Variants in CDC45 observed in about 807,000 individuals in gnomAD.
CDC45 encodes cell division cycle 45.
CDC45 carries 54 observed loss-of-function variants against 77.8 expected under a neutral mutation model. The ratio of observed to expected loss-of-function variants is 0.69; its 90% CI spans 0.56 to 0.87. The LOEUF (loss-of-function observed/expected upper bound fraction) is 0.87, where lower values mean the gene tolerates loss of function less well. CDC45 is among the 40% of genes least tolerant of loss of function. CDC45 has a pLI of 0.00. For synonymous variants in CDC45, 260 were observed against 272.1 expected (o/e 0.96, Z 0.44); for missense variants, 649 against 721.6 (o/e 0.90, Z 1.15).
At position 19,518,953 on chromosome 22, in the gene CDC45, C is replaced by T. The variant is rs13447289; in HGVS notation, c.*1+44C>T. On this transcript the variant is annotated intron_variant, in intron 18 of 18. Coordinates refer to ENST00000263201, the MANE Select transcript of CDC45 (RefSeq NM_003504.5). ...GCAGGGGTGGCTGCAGCAGCCCCCT[C>T]AGAGCCCGACCCTGATGCCCTGCTC... The T allele has an allele frequency of 0.12, 179,746 of 1,443,970 alleles. 11,815 individuals are homozygous for T. The highest frequency in any genetic ancestry group is 0.28 in the East Asian group (12,226 of 44,170). 89.4% of individuals were successfully genotyped at this position (1,443,970 alleles called of 1,614,324 possible).
chr22:19,507,512 C>A lies in CDC45; in HGVS notation c.951C>A (p.Asp317Glu). The change falls in exon 11 of 19, where the codon GAC becomes GAA. Residue 317 changes from aspartate to glutamate, a missense_variant. Asp to Glu is a conservative substitution (Grantham distance 45, BLOSUM62 2). Coordinates refer to ENST00000263201, the MANE Select transcript of CDC45 (RefSeq NM_003504.5). ...GQKRLQEFLA[D>E]MGLPLKQVKQ... ...AGCGGCTCCAGGAGTTCCTTGCAGACATGGGGTGAGTGACTGCCTGGGCCT... is the reference window on the plus strand; with the variant it reads ...AGCGGCTCCAGGAGTTCCTTGCAGAAATGGGGTGAGTGACTGCCTGGGCCT... 6 of 1,614,136 alleles carry A rather than the reference C, an allele frequency of 3.7e-6. No individual in the cohort carries two copies. Among genetic ancestry groups the A allele is most frequent in the Non-Finnish European group, 8.5e-7 (1 of 1,180,040 alleles).
intron 18 of CDC45, among the ~76,000 whole-genome samples, chr22:19,519,428 A>G (rs1398620085): frequency 6.6e-6 from 1 of 152,228 alleles, no homozygotes; most frequent in Non-Finnish European, 1.5e-5. Flanking sequence ...TGAGGGCCCC[A>G]TTGGGATTCA....
At chr22:19,489,642 A>G (rs1017154781) in intron 5 of CDC45, among the ~76,000 whole-genome samples, 9 of 152,224 alleles carry the variant, frequency 5.9e-5, no homozygotes, top group African/African-American at 2.2e-4. Context: ...TTAGATTTAT[A>G]CCTGCATAAA....
At chr22:19,496,080 G>T (rs765956682) in intron 7 of CDC45, 51 bp downstream of exon 7, 2 of 1,242,830 alleles carry the variant, frequency 1.6e-6, no homozygotes, top group Non-Finnish European at 2.4e-6. Context: ...CCAGGGGTCA[G>T]TGTCCTCAAA....
At chr22:19,480,045 C>T in intron 1 of CDC45, 26 bp downstream of exon 1, 1 of 1,613,814 alleles carries the variant, frequency 6.2e-7, no homozygotes, top group Non-Finnish European at 8.5e-7. Flanking sequence ...GGACCCCCGC[C>T]GAGGCCTTGC....
At chr22:19,505,615 A>G in intron 10 of CDC45, 134 bp downstream of exon 10, 2 of 976,920 alleles carry the variant, frequency 2.0e-6, no homozygotes, top group Non-Finnish European at 3.1e-6. Context: ...TTTTGGGGGA[A>G]GGGGCTGTGG....
rs1004032100 is a variant in CDC45 at position 19,520,037 on chromosome 22, G to C, written c.*2-444G>C. Among the ~76,000 whole-genome samples the C allele has an allele frequency of 6.6e-6, 1 of 152,188 alleles. No individual in the cohort carries two copies. Among genetic ancestry groups the C allele is most frequent in the Non-Finnish European group, 1.5e-5 (1 of 68,034 alleles). ...CATAGGGTGGGGCGGAGGCAGAGGT[G>C]GGGCTCTCTGGCAGTGGAGTGGGTG... On this transcript the variant is annotated intron_variant, in intron 18 of 18. Coordinates refer to ENST00000263201, the MANE Select transcript of CDC45 (RefSeq NM_003504.5). This position sits in a 1 kb window ranked among gnomAD's most constrained non-coding sequence, Gnocchi z 4.5.
At chr22:19,499,856 T>C (rs2146385945) in intron 9 of CDC45, among the ~76,000 whole-genome samples, 1 of 152,308 alleles carries the variant, frequency 6.6e-6, no homozygotes, top group East Asian at 1.9e-4. Context: ...CCCATGTAGA[T>C]GTCCCCAGGC....
chr22:19,508,593 C>CAGCGA lies in CDC45; in HGVS notation c.1120_1124dup (p.Asp375GlufsTer11). 4 of 1,614,200 alleles carry CAGCGA rather than the reference C, an allele frequency of 2.5e-6. No homozygotes were observed. The highest frequency in any genetic ancestry group is 3.4e-6 in the Non-Finnish European group (4 of 1,180,040). ...TTGGGTTCAAGCACAAGTTTCTGGC[C>CAGCGA]AGCGACGTGGTCTTTGCCACCATGT... is the stretch of plus-strand genomic sequence containing the variant. On this transcript the variant is annotated frameshift_variant, in exon 13 of 19. Transcript: ENST00000263201. LOFTEE classifies it high-confidence loss of function.
At chr22:19,482,972 T>A in intron 4 of CDC45, 145 bp downstream of exon 4, 3 of 422,956 alleles carry the variant, frequency 7.1e-6, no homozygotes, top group Non-Finnish European at 1.2e-5. Flanking sequence ...TTTGTCATCT[T>A]TTTTTTTTTT....
At chr22:19,486,745 C>T (rs1012759160) in intron 5 of CDC45, among the ~76,000 whole-genome samples, 13 of 152,084 alleles carry the variant, frequency 8.5e-5, no homozygotes, top group Admixed American at 7.2e-4. Context: ...TGCAGTGGTA[C>T]GATCTCGGCT....
At chr22:19,484,520 C>T (rs1201685176) in intron 5 of CDC45, among the ~76,000 whole-genome samples, 1 of 152,184 alleles carries the variant, frequency 6.6e-6, no homozygotes, top group Non-Finnish European at 1.5e-5. Context: ...CAGTGGCCTA[C>T]CCAACACTAC....
At chr22:19,496,516 T>A (rs1226668683) in intron 7 of CDC45, among the ~76,000 whole-genome samples, 2 of 152,210 alleles carry the variant, frequency 1.3e-5, no homozygotes, top group African/African-American at 4.8e-5. Flanking sequence ...GTCTTAGAAT[T>A]TAATACTGGG....
chr22:19,514,129 T>C (rs1180021378), intron 13 of CDC45, among the ~76,000 whole-genome samples: 1 of 152,258 alleles, frequency 6.6e-6, no homozygotes, highest in African/African-American at 2.4e-5. Context: ...TCTTCAGGGT[T>C]ATTTTTTTAG....
At chr22:19,510,494 C>T (rs1032090903) in intron 13 of CDC45, among the ~76,000 whole-genome samples, 14 of 152,132 alleles carry the variant, frequency 9.2e-5, no homozygotes, top group African/African-American at 3.1e-4. Flanking sequence ...TTGCAAGGCT[C>T]ATCTATATTG....
Position 19,483,999 on chromosome 22 carries a change from A to C in CDC45, c.480A>C (p.Leu160Phe). 2 of 1,598,896 alleles carry C rather than the reference A, an allele frequency of 1.3e-6. No individual in the cohort carries two copies. Among genetic ancestry groups the C allele is most frequent in the Non-Finnish European group, 1.7e-6 (2 of 1,176,384 alleles). The change falls in exon 5 of 19, where the codon TTA (leucine) becomes TTC (phenylalanine). Residue 160 changes from leucine (L) to phenylalanine (F), a missense_variant. Physicochemically the swap from Leu to Phe is conservative, Grantham distance 22. Coordinates refer to ENST00000263201, the MANE Select transcript of CDC45 (RefSeq NM_003504.5). ...GSEPSEKRTR[L>F]EEEIVEQTMR... is the part of the protein sequence containing the mutation. ...AGCCTTCTGAGAAGCGCACACGGTTAGAAGAGGTGAGTTTGGGTCTCTCAC... is the reference window on the plus strand; with the variant it reads ...AGCCTTCTGAGAAGCGCACACGGTTCGAAGAGGTGAGTTTGGGTCTCTCAC...
At chr22:19,479,666 C>G, upstream of CDC45, 1 of 680,732 alleles carries the variant, frequency 1.5e-6, no homozygotes, top group Non-Finnish European at 2.8e-6. Context: ...GTAAAGATGT[C>G]CGCCCAGCGT....
intron 15 of CDC45, among the ~76,000 whole-genome samples, chr22:19,515,562 G>A (rs988114465): frequency 2.0e-5 from 3 of 152,216 alleles, no homozygotes; most frequent in African/African-American, 4.8e-5. Flanking sequence ...CCTCTGCTTC[G>A]AGGATGAGAG....
At chr22:19,514,084 A>G (rs1174445379) in intron 13 of CDC45, among the ~76,000 whole-genome samples, 4 of 152,220 alleles carry the variant, frequency 2.6e-5, no homozygotes, top group African/African-American at 7.2e-5. Context: ...ATTAGAGTTC[A>G]GTTTAACTTT....
Sources: gnomAD v4.1 joint callset for allele counts (sites outside exome capture counted in the v4.1 genomes callset) on GRCh38, gnomAD v4.1.1 for gene constraint, Gnocchi (gnomAD v3.1) non-coding constraint, MANE v1.5 for transcripts, NCBI Gene and HGNC (gene_info 2026-07-23, HGNC 2026-07-21) for gene names.